The following PSTPIP1 variants were observed in gnomAD, a reference collection of about 807,000 sequenced individuals.
PSTPIP1 encodes proline-serine-threonine phosphatase interacting protein 1.
Under a neutral mutation model 69.6 loss-of-function variants are expected in PSTPIP1, and 66 were observed. The ratio of observed to expected loss-of-function variants is 0.95; its 90% CI spans 0.78 to 1.16. The LOEUF (loss-of-function observed/expected upper bound fraction) is 1.16. PSTPIP1 is among the 50% of genes most tolerant of loss of function. The probability of loss-of-function intolerance (pLI) is 0.00; values close to 1 mark genes in which losing one functional copy is unlikely to be tolerated. For synonymous variants in PSTPIP1, 266 were observed against 222.7 expected (o/e 1.19, Z -1.73); for missense variants, 603 against 557.4 (o/e 1.08, Z -0.82).
chr15:77,010,315 G>A (rs1216338905), intron 1 of PSTPIP1, among the ~76,000 whole-genome samples: 2 of 152,224 alleles, frequency 1.3e-5, no homozygotes, highest in African/African-American at 4.8e-5. Flanking sequence ...GGGGTTCCCT[G>A]AGGACTGGAG....
chr15:76,996,053 G>T (rs1366609924), intron 1 of PSTPIP1, among the ~76,000 whole-genome samples: 1 of 152,148 alleles, frequency 6.6e-6, no homozygotes, highest in Admixed American at 6.5e-5. Flanking sequence ...TGATAAAATA[G>T]AAATCAACAC....
At chr15:77,020,210 G>A (rs2076133514) in intron 3 of PSTPIP1, among the ~76,000 whole-genome samples, 1 of 152,206 alleles carries the variant, frequency 6.6e-6, no homozygotes, top group Non-Finnish European at 1.5e-5. Flanking sequence ...GAACTAGGAA[G>A]GGGCCAGGTG....
chr15:77,018,589 T>G (rs1433065852), intron 3 of PSTPIP1, 58 bp downstream of exon 3: 1 of 1,482,648 alleles, frequency 6.7e-7, no homozygotes, highest in African/African-American at 1.4e-5. Context: ...TTTCTGGGCC[T>G]TTAGATGAGG....
At chr15:77,023,184 C>T (rs1348171066) in intron 3 of PSTPIP1, among the ~76,000 whole-genome samples, 1 of 152,230 alleles carries the variant, frequency 6.6e-6, no homozygotes, top group Admixed American at 6.5e-5. Context: ...GATTATGAGC[C>T]TGGGGACAAT....
intron 1 of PSTPIP1, among the ~76,000 whole-genome samples, chr15:77,010,810 C>T (rs2075919094): frequency 6.6e-6 from 1 of 152,046 alleles, no homozygotes; most frequent in African/African-American, 2.4e-5. Context: ...CTACGCCCAG[C>T]TAATTTTGTA....
At chr15:77,036,994 C>T (rs2076592884) in intron 14 of PSTPIP1, 51 bp from the exon 15 acceptor site, 1 of 1,576,478 alleles carries the variant, frequency 6.3e-7, no homozygotes, top group Non-Finnish European at 8.6e-7. Flanking sequence ...TCCCTGCAGG[C>T]CCTTCCCTGC....
rs1402343723 is a variant in PSTPIP1, at chr15:77,037,201, C to A, written c.*25C>A. On this transcript the variant is annotated 3_prime_UTR_variant, in exon 15 of 15. Coordinates refer to ENST00000558012, the MANE Select transcript of PSTPIP1 (RefSeq NM_003978.5). Reference sequence around the variant, plus strand: ...AGGAAGGGCCAGGAGCCCCTTCGGACCTGCCCTGCCAGTGGAGCCAGCAGT... The same window carrying A: ...AGGAAGGGCCAGGAGCCCCTTCGGAACTGCCCTGCCAGTGGAGCCAGCAGT... The A allele has an allele frequency of 3.2e-6, 5 of 1,568,708 alleles. No homozygotes were observed. Among genetic ancestry groups the A allele is most frequent in the Non-Finnish European group, 3.5e-6 (4 of 1,159,156 alleles).
chr15:77,028,468 G>C, intron 6 of PSTPIP1, 86 bp from the exon 7 acceptor site: 1 of 1,196,354 alleles, frequency 8.4e-7, no homozygotes, highest in South Asian at 1.6e-5. Flanking sequence ...CAGGGAAAAA[G>C]GGAGGCTGGG....
chr15:77,030,671 G>C, intron 9 of PSTPIP1, 90 bp downstream of exon 9: 1 of 1,249,564 alleles, frequency 8.0e-7, no homozygotes, highest in African/African-American at 1.5e-5. Flanking sequence ...GCCCAAGTGA[G>C]GCAGTTGGGG....
intron 1 of PSTPIP1, chr15:77,015,693 G>A (rs1017249333): frequency 1.8e-5 from 6 of 338,844 alleles, no homozygotes; most frequent in African/African-American, 4.3e-5. Flanking sequence ...CTCAGAGCAC[G>A]GAGTCAGACC....
chr15:77,025,668 G>A, intron 5 of PSTPIP1, 64 bp downstream of exon 5: 1 of 1,418,190 alleles, frequency 7.1e-7, no homozygotes, highest in South Asian at 1.3e-5. Context: ...TTGCTGTGGG[G>A]GTAGGGGGCT....
chr15:77,029,619 G>A lies in PSTPIP1; in HGVS notation c.562+45G>A, dbSNP rs753941356. ...CCGTCCGACCAGGGCGGAGGCCTGG[G>A]CGGTACTCCCCACACACACCTCCTC... On this transcript the variant is annotated intron_variant, in intron 8 of 14. Coordinates refer to ENST00000558012, the MANE Select transcript of PSTPIP1 (RefSeq NM_003978.5). The A allele has an allele frequency of 1.4e-5, 22 of 1,543,202 alleles. No individual in the cohort carries two copies. The Admixed American group carries it at 3.9e-4, about 27-fold the overall frequency.
Position 77,026,768 on chromosome 15 carries a change from C to T in PSTPIP1, c.355-1084C>T, listed in dbSNP as rs2076289314. Among the ~76,000 whole-genome samples, 4 of 152,234 alleles carry T rather than the reference C, an allele frequency of 2.6e-5. 1 individual carries two copies. In the South Asian group the frequency reaches 8.3e-4, roughly 31 times the overall value. On this transcript the variant is annotated intron_variant, in intron 5 of 14. Coordinates refer to ENST00000558012, the MANE Select transcript of PSTPIP1 (RefSeq NM_003978.5). ...CAGAAGCCAGCCCAGGCTTGAGGTG[C>T]CGGAGCAGGCACCCTCTCTGAGCTG...
At chr15:77,013,345 C>T (rs2075983644) in intron 1 of PSTPIP1, among the ~76,000 whole-genome samples, 1 of 152,286 alleles carries the variant, frequency 6.6e-6, no homozygotes, top group Non-Finnish European at 1.5e-5. Flanking sequence ...AGAACAGGGT[C>T]AGTTTCCTCC....
intron 1 of PSTPIP1, chr15:77,008,152 C>T: frequency 2.3e-6 from 1 of 441,726 alleles, no homozygotes; most frequent in South Asian, 1.6e-5. Context: ...CTAAACGCAG[C>T]CAGGTGTGAG....
Position 77,035,968 on chromosome 15 carries a change from C to G in PSTPIP1, c.1119+33C>G, listed in dbSNP as rs151068642. Reference sequence around the variant, plus strand: ...CTCTATACCCCAAACCCACCTGTGCCACCTCCCCTGCACCTGAGAGCTCCC... The same window carrying G: ...CTCTATACCCCAAACCCACCTGTGCGACCTCCCCTGCACCTGAGAGCTCCC... On this transcript the variant is annotated intron_variant, in intron 14 of 14. Coordinates refer to ENST00000558012, the MANE Select transcript of PSTPIP1 (RefSeq NM_003978.5). 1,868 of 1,556,896 alleles carry G rather than the reference C, an allele frequency of 1.2e-3. 22 individuals carry two copies. The African/African-American group carries it at 0.022, about 18-fold the overall frequency.
chr15:77,032,969 C>A lies in PSTPIP1; in HGVS notation c.929+17C>A. On this transcript the variant is annotated intron_variant, in intron 12 of 14. Coordinates refer to ENST00000558012, the MANE Select transcript of PSTPIP1 (RefSeq NM_003978.5). ...GATAAAGAGGTGAGGCCCCGACAGACGGAGGGAGGGCCTAAGGCTGGGCCA... is the reference window on the plus strand; with the variant it reads ...GATAAAGAGGTGAGGCCCCGACAGAAGGAGGGAGGGCCTAAGGCTGGGCCA... 1 of 1,583,648 alleles carries A rather than the reference C, an allele frequency of 6.3e-7. No individual in the cohort carries two copies. Among genetic ancestry groups the A allele is most frequent in the Non-Finnish European group, 8.6e-7 (1 of 1,164,822 alleles).
intron 1 of PSTPIP1, among the ~76,000 whole-genome samples, chr15:77,001,199 A>G (rs990481479): frequency 6.6e-6 from 1 of 151,994 alleles, no homozygotes; most frequent in Admixed American, 6.6e-5. Context: ...CTTTGACTAT[A>G]AAGGTTTTTC....
intron 1 of PSTPIP1, among the ~76,000 whole-genome samples, chr15:77,004,907 C>A (rs1568485777): frequency 6.6e-6 from 1 of 151,780 alleles, no homozygotes; most frequent in African/African-American, 2.4e-5. Flanking sequence ...AAAAGAGAAG[C>A]AGAGAGCCAG....
Sources: gnomAD v4.1 joint callset for allele counts (sites outside exome capture counted in the v4.1 genomes callset) on GRCh38, gnomAD v4.1.1 for gene constraint, MANE v1.5 for transcripts, NCBI Gene and HGNC (gene_info 2026-07-23, HGNC 2026-07-21) for gene names.